SPAG16: variants seen among roughly 807,000 people sequenced by gnomAD.
SPAG16 encodes the protein sperm-associated antigen 16 protein.
SPAG16 carries 86 observed loss-of-function variants against 80.4 expected under a neutral mutation model. That is an observed-to-expected ratio of 1.07 (90% CI 0.90 to 1.28). The LOEUF (loss-of-function observed/expected upper bound fraction) is 1.28. Ranked by LOEUF, SPAG16 falls within the 50% of genes most tolerant of loss-of-function variation. The pLI is 0.00. For synonymous variants in SPAG16, 294 were observed against 265.9 expected (o/e 1.11, Z -1.03); for missense variants, 870 against 765.3 (o/e 1.14, Z -1.61).
At chr2:213,336,306 T>G (rs888893652) in intron 5 of SPAG16, among the ~76,000 whole-genome samples, 1 of 152,114 alleles carries the variant, frequency 6.6e-6, no homozygotes, top group Non-Finnish European at 1.5e-5. Context: ...AGACACAGTA[T>G]TTGCATACTC....
intron 10 of SPAG16, among the ~76,000 whole-genome samples, chr2:213,742,089 G>C (rs978822893): frequency 6.7e-6 from 1 of 149,860 alleles, no homozygotes; most frequent in Non-Finnish European, 1.5e-5. Context: ...AATGTGTTTG[G>C]GTTTAAATCT....
At chr2:213,848,697 G>A (rs11685347) in intron 10 of SPAG16, among the ~76,000 whole-genome samples, 92,020 of 151,840 alleles carry the variant, frequency 0.61, 29,530 homozygotes, top group East Asian at 0.85. Flanking sequence ...TGTTCCCTTC[G>A]TCCCATCCCT....
intron 10 of SPAG16, among the ~76,000 whole-genome samples, chr2:213,605,118 G>A (rs1239253396): frequency 6.6e-6 from 1 of 151,864 alleles, no homozygotes; most frequent in Non-Finnish European, 1.5e-5. Context: ...AAAATGTAAA[G>A]AATAATAAGA....
At chr2:213,726,050 T>G (rs536411129) in intron 10 of SPAG16, among the ~76,000 whole-genome samples, 5 of 152,318 alleles carry the variant, frequency 3.3e-5, no homozygotes, top group Admixed American at 1.3e-4. Flanking sequence ...CCCTTACTCC[T>G]ACAGTGCATG....
At chr2:214,279,860 TC>T (rs1307818823) in intron 15 of SPAG16, among the ~76,000 whole-genome samples, 1 of 151,990 alleles carries the variant, frequency 6.6e-6, no homozygotes, top group African/African-American at 2.4e-5. Context: ...ATTCAGTCAG[TC>T]CCCAAATATT....
rs561537830 is a variant in SPAG16 at position 213,730,308 on chromosome 2, T to G, written c.1071-132177T>G. ...TATGAAACATATCATAAGTATTGTA[T>G]AGTGAATAAAGAAGAAGTTTGGGAT... On this transcript the variant is annotated intron_variant, in intron 10 of 15. Transcript: ENST00000331683. Among the ~76,000 whole-genome samples the G allele has an allele frequency of 2.6e-5, 4 of 152,312 alleles. No homozygotes were observed. In the East Asian group the frequency reaches 5.8e-4, roughly 22 times the overall value.
chr2:213,667,359 A>G (rs1189024892), intron 10 of SPAG16, among the ~76,000 whole-genome samples: 1 of 152,164 alleles, frequency 6.6e-6, no homozygotes, highest in African/African-American at 2.4e-5. Context: ...GGGAGATGCA[A>G]AATCCAAAGC....
chr2:213,453,839 A>G (rs1039091580), intron 9 of SPAG16, among the ~76,000 whole-genome samples: 1 of 152,246 alleles, frequency 6.6e-6, no homozygotes, highest in Non-Finnish European at 1.5e-5. Context: ...TTGGAATCAC[A>G]TAGGTAGATT....
intron 10 of SPAG16, among the ~76,000 whole-genome samples, chr2:213,731,097 T>A (rs1465452571): frequency 6.6e-6 from 1 of 151,954 alleles, no homozygotes; most frequent in Admixed American, 6.6e-5. Flanking sequence ...TAATATATTA[T>A]ACACAGTTAA....
chr2:213,975,266 A>G (rs372205397), intron 12 of SPAG16, among the ~76,000 whole-genome samples: 1 of 151,164 alleles, frequency 6.6e-6, no homozygotes, highest in East Asian at 1.9e-4. Flanking sequence ...GAATATTTAC[A>G]ACGTGAAAAA....
At chr2:213,955,441 G>T (rs186402961) in intron 12 of SPAG16, among the ~76,000 whole-genome samples, 2 of 152,218 alleles carry the variant, frequency 1.3e-5, no homozygotes, top group Non-Finnish European at 2.9e-5. Context: ...TGATGAAAAC[G>T]CTATTTCATC....
At chr2:214,324,502 G>A (rs868446457) in intron 15 of SPAG16, among the ~76,000 whole-genome samples, 4 of 152,068 alleles carry the variant, frequency 2.6e-5, no homozygotes, top group East Asian at 1.9e-4. Flanking sequence ...TTCCCACACC[G>A]TGGTCTACTA....
intron 10 of SPAG16, among the ~76,000 whole-genome samples, chr2:213,580,479 T>C (rs1006405953): frequency 6.6e-6 from 1 of 152,130 alleles, no homozygotes; most frequent in Non-Finnish European, 1.5e-5. Context: ...ACAATACCAT[T>C]AAATATTGTA....
intron 10 of SPAG16, among the ~76,000 whole-genome samples, chr2:213,676,594 G>C (rs555912655): frequency 0.04 from 6,098 of 152,106 alleles, 190 homozygotes; most frequent in Middle Eastern, 0.13. Flanking sequence ...TAGCATGAAG[G>C]GTTGTTGAAT....
intron 10 of SPAG16, among the ~76,000 whole-genome samples, chr2:213,701,616 G>A (rs1047442804): frequency 2.6e-5 from 4 of 152,298 alleles, no homozygotes; most frequent in African/African-American, 7.2e-5. Flanking sequence ...GTGCAGGTGC[G>A]TGGCGCGGGA....
chr2:213,316,603 G>C (rs902788920), intron 4 of SPAG16, among the ~76,000 whole-genome samples: 1 of 151,912 alleles, frequency 6.6e-6, no homozygotes, highest in Non-Finnish European at 1.5e-5. Flanking sequence ...TCACTTAGTT[G>C]GCTTCAGTTC....
chr2:213,717,395 C>T (rs1339510657), intron 10 of SPAG16, among the ~76,000 whole-genome samples: 1 of 151,950 alleles, frequency 6.6e-6, no homozygotes, highest in Non-Finnish European at 1.5e-5. Context: ...CTCCTGACCT[C>T]GTGATCCGCC....
chr2:213,354,255 A>G (rs1289436136), intron 7 of SPAG16, among the ~76,000 whole-genome samples: 1 of 152,188 alleles, frequency 6.6e-6, no homozygotes, highest in Non-Finnish European at 1.5e-5. Flanking sequence ...CATGATGTAT[A>G]TGTGCCACAC....
intron 14 of SPAG16, among the ~76,000 whole-genome samples, chr2:214,138,223 T>TA (rs966270929): frequency 7.2e-5 from 11 of 152,220 alleles, no homozygotes; most frequent in Admixed American, 3.9e-4. Flanking sequence ...GTAAAGAAAT[T>TA]ACACAACAAG....
Sources: allele counts gnomAD v4.1 joint callset (sites outside exome capture counted in the v4.1 genomes callset), GRCh38; gene constraint gnomAD v4.1.1; transcripts MANE v1.5; gene names NCBI Gene and HGNC (gene_info 2026-07-23, HGNC 2026-07-21).